RYR1: variants seen among roughly 807,000 people sequenced by gnomAD.
RYR1 encodes the protein central core disease of muscle.
Under a neutral mutation model 583.5 loss-of-function variants are expected in RYR1, and 342 were observed. That is an observed-to-expected ratio of 0.59 (90% CI 0.54 to 0.64). RYR1 has a LOEUF of 0.64. Among genes scored for constraint, RYR1 ranks in the 30% least tolerant of loss-of-function variants. RYR1 has a pLI of 0.00. For missense variants in RYR1, 6,032 were observed against 6,917.2 expected (o/e 0.87, Z 4.54); for synonymous variants, 2,791 against 2,822.5 (o/e 0.99, Z 0.35).
At chr19:38,559,228 CTT>C (rs34239565) in intron 89 of RYR1, among the ~76,000 whole-genome samples, 1,109 of 101,278 alleles carry the variant, frequency 0.011, 8 homozygotes, top group African/African-American at 0.04. Context: ...AGGTGGGCTT[CTT>C]TTTTTTTTTT....
Position 38,494,335 on chromosome 19 carries a change from C to T in RYR1, c.6275-17C>T. The T allele has an allele frequency of 1.2e-6, 2 of 1,611,134 alleles. No homozygotes were observed. The highest frequency in any genetic ancestry group is 8.5e-7 in the Non-Finnish European group (1 of 1,179,850). ...GCCCTGCATGGTGCTCCAAGCCTTG[C>T]ATTGTCTCCTTCCCAGGGTCCCTGC... On this transcript the variant is annotated splice_polypyrimidine_tract_variant and intron_variant, in intron 38 of 105. Coordinates refer to ENST00000359596, the MANE Select transcript of RYR1 (RefSeq NM_000540.3).
chr19:38,568,731 G>A (rs972260868), intron 93 of RYR1, among the ~76,000 whole-genome samples: 6 of 136,458 alleles, frequency 4.4e-5, no homozygotes, highest in African/African-American at 1.1e-4. Context: ...CAGCCTGGGC[G>A]ACAGAGTGAG....
At chr19:38,524,300 G>A (rs1971371240) in intron 70 of RYR1, among the ~76,000 whole-genome samples, 1 of 67,312 alleles carries the variant, frequency 1.5e-5, no homozygotes, top group African/African-American at 6.2e-5. Context: ...GTTGGGGAGG[G>A]GGCAGCACCC....
At chr19:38,521,867 C>T (rs897453466) in intron 67 of RYR1, among the ~76,000 whole-genome samples, 6 of 151,674 alleles carry the variant, frequency 4.0e-5, no homozygotes, top group Non-Finnish European at 5.9e-5. Context: ...CCACCACACC[C>T]GGCTAATTTT....
In RYR1 at chr19:38,477,887, GAGGT is replaced by G; in HGVS notation, c.4454+18_4454+21del. On this transcript the variant is annotated intron_variant, in intron 30 of 105. Coordinates refer to ENST00000359596, the MANE Select transcript of RYR1 (RefSeq NM_000540.3). The stretch of plus-strand genomic sequence containing the variant: ...CCACAGCAGGTGCCGGGGCTGGGGG[GAGGT>G]GGGAGGTGCAGGGTGGGGAGGGCAG... 4 of 1,366,498 alleles carry G rather than the reference GAGGT, an allele frequency of 2.9e-6. No individual in the cohort carries two copies. The highest frequency in any genetic ancestry group is 1.7e-5 in the Admixed American group (1 of 57,556). 84.6% of individuals were successfully genotyped at this position (1,366,498 alleles called of 1,614,324 possible).
At chr19:38,516,852 G>A (rs1380839255) in intron 65 of RYR1, among the ~76,000 whole-genome samples, 3 of 152,162 alleles carry the variant, frequency 2.0e-5, no homozygotes, top group Non-Finnish European at 4.4e-5. Flanking sequence ...AGAATGAGGT[G>A]TGGACCTGGG....
chr19:38,545,370 C>T (rs910863241), intron 87 of RYR1, among the ~76,000 whole-genome samples: 4 of 152,126 alleles, frequency 2.6e-5, no homozygotes, highest in Non-Finnish European at 5.9e-5. Flanking sequence ...GGACCTTAGG[C>T]GCAGAATGCA....
rs1437954327 is a variant in RYR1 at position 38,567,895 on chromosome 19, A to G, written c.13637A>G (p.Glu4546Gly). 1 of 1,613,712 alleles carries G rather than the reference A, an allele frequency of 6.2e-7. No homozygotes were observed. The highest frequency in any genetic ancestry group is 2.2e-5 in the East Asian group (1 of 44,856). ...EAGGEFWGEL[E>G]VQRVKFLNYL... ...GGAGGCGAATTCTGGGGAGAACTGG[A>G]GGTGCAGAGGGTGAAGTTCCTGGTA... The change falls in exon 93 of 106, where the codon GAG becomes GGG. Residue 4546 changes from glutamate to glycine, a missense_variant. This residue lies in a region of RYR1 where 753 missense variants were observed against 759.6 expected (regional missense o/e 0.99). Transcript: ENST00000359596.
Position 38,512,430 on chromosome 19 carries a change from T to C in RYR1, c.9419T>C (p.Leu3140Pro). The C allele has an allele frequency of 1.2e-6, 2 of 1,613,774 alleles. No homozygotes were observed. Among genetic ancestry groups the C allele is most frequent in the Non-Finnish European group, 1.7e-6 (2 of 1,180,036 alleles). ...ACCACTGTGGCACTGCTGCCGGTCC[T>C]CACCACCCTCTTCCAGCACATCGCC... is the stretch of plus-strand genomic sequence containing the variant. The part of the protein sequence containing the change: ...TYTTVALLPV[L>P]TTLFQHIAQH... Residue 3140 changes from leucine to proline, a missense_variant, in exon 63 of 106, where the codon CTC (leucine) becomes CCC (proline). By Grantham distance (98) the Leu-to-Pro change is moderately conservative. This residue lies in a region of RYR1 where 1,493 missense variants were observed against 1,715.5 expected (regional missense o/e 0.87). Transcript: ENST00000359596. This position sits in a 1 kb window ranked among gnomAD's most constrained non-coding sequence, Gnocchi z 5.1.
Position 38,535,981 on chromosome 19 carries a change from C to T in RYR1, c.11517-16C>T. ...GCTTCATCACATACCCCCTATCTTT[C>T]CTTTCTTTTCCTCAGCGTCCTGGAT... On this transcript the variant is annotated splice_polypyrimidine_tract_variant and intron_variant, in intron 81 of 105. Coordinates refer to ENST00000359596, the MANE Select transcript of RYR1 (RefSeq NM_000540.3). 4 of 1,612,456 alleles carry T rather than the reference C, an allele frequency of 2.5e-6. No homozygotes were observed. Among genetic ancestry groups the T allele is most frequent in the Non-Finnish European group, 3.4e-6 (4 of 1,179,376 alleles).
At chr19:38,516,524 G>A (rs1393260645) in intron 65 of RYR1, among the ~76,000 whole-genome samples, 4 of 152,184 alleles carry the variant, frequency 2.6e-5, no homozygotes, top group African/African-American at 7.2e-5. Context: ...CAGTACTTTG[G>A]GAGGCCAAGG....
chr19:38,519,173 A>G, intron 66 of RYR1, 41 bp from the exon 67 acceptor site: 1 of 1,613,702 alleles, frequency 6.2e-7, no homozygotes, highest in African/African-American at 1.3e-5. Flanking sequence ...GGCCTGTGTC[A>G]GAGGCCGGAG....
chr19:38,482,477 G>A (rs1020081638), intron 31 of RYR1, among the ~76,000 whole-genome samples: 2 of 152,046 alleles, frequency 1.3e-5, no homozygotes, highest in Non-Finnish European at 2.9e-5. Context: ...TTGAGATAGG[G>A]TCTTGTTCTG....
chr19:38,537,846 C>A (rs1419123470), intron 83 of RYR1, 34 bp from the exon 84 acceptor site: 1 of 1,601,312 alleles, frequency 6.2e-7, no homozygotes, highest in Admixed American at 1.7e-5. Context: ...CGCATCTGAC[C>A]CCTCCTGGGC....
rs142572821 is a variant in RYR1, at chr19:38,489,738, C to T, written c.5814+295C>T. On this transcript the variant is annotated intron_variant, in intron 35 of 105. Coordinates refer to ENST00000359596, the MANE Select transcript of RYR1 (RefSeq NM_000540.3). ...CCGCCTCCCGGGTTCAAGCAATTCT[C>T]CTGCCTCAGCCTCCTGAGTAGCTGG... 8.4e-3 allele frequency among the ~76,000 whole-genome samples: 1,272 copies of T among 152,324 alleles called. 21 individuals carry two copies. The highest frequency in any genetic ancestry group is 0.029 in the African/African-American group (1,201 of 41,564).
chr19:38,482,552 G>A (rs1419773394), intron 31 of RYR1, among the ~76,000 whole-genome samples: 1 of 152,108 alleles, frequency 6.6e-6, no homozygotes, highest in African/African-American at 2.4e-5. Flanking sequence ...CCAGGATCAA[G>A]CGATTCTCTC....
chr19:38,486,392 G>A (rs976330952), intron 34 of RYR1, among the ~76,000 whole-genome samples, 190 bp downstream of exon 34: 1 of 151,992 alleles, frequency 6.6e-6, no homozygotes, highest in African/African-American at 2.4e-5. Context: ...CGCCCAGGCT[G>A]GAGTGCAGTG....
chr19:38,586,440 G>A (rs1384339312), intron 104 of RYR1, 85 bp from the exon 105 acceptor site: 12 of 1,421,206 alleles, frequency 8.4e-6, no homozygotes, highest in African/African-American at 1.4e-5. Context: ...GGGCAACATA[G>A]CAAGACTTCC....
At chr19:38,449,231 G>A (rs1440829285) in intron 11 of RYR1, among the ~76,000 whole-genome samples, 1 of 151,996 alleles carries the variant, frequency 6.6e-6, no homozygotes, top group African/African-American at 2.4e-5. Flanking sequence ...AGGCCCAGGC[G>A]GTTGGATCAC....
Sources: allele counts gnomAD v4.1 joint callset (sites outside exome capture counted in the v4.1 genomes callset), GRCh38; gene constraint gnomAD v4.1.1; regional missense constraint gnomAD v4.1.1; non-coding constraint Gnocchi (gnomAD v3.1); transcripts MANE v1.5; gene names NCBI Gene and HGNC (gene_info 2026-07-23, HGNC 2026-07-21).